The following ZNF469 variants were observed in gnomAD, a reference collection of about 807,000 sequenced individuals.
ZNF469 encodes zinc finger protein 469.
Under a neutral mutation model 1.0 loss-of-function variants are expected in ZNF469, and 1 was observed. The observed-to-expected ratio is 1.00, with a 90% CI of 0.35 to 4.73. The LOEUF (loss-of-function observed/expected upper bound fraction) is 4.73, where lower values mean the gene tolerates loss of function less well. Ranked by LOEUF, ZNF469 falls within the 30% of genes most tolerant of loss-of-function variation. The pLI, the probability that ZNF469 is intolerant of heterozygous loss-of-function variation, is 0.16. For missense variants in ZNF469, 6,100 were observed against 5,356.3 expected (o/e 1.14, Z -4.33); for synonymous variants, 2,703 against 2,363.4 (o/e 1.14, Z -4.17).
chr16:88,309,600 G>T, the ZNF469 span, among the ~76,000 whole-genome samples: 4 of 144,098 alleles, frequency 2.8e-5, no homozygotes, highest in Non-Finnish European at 6.0e-5. Flanking sequence ...ACTGGCGGGG[G>T]TAGTGCCCTC....
At chr16:88,102,837 G>C in the ZNF469 span, among the ~76,000 whole-genome samples, 1 of 152,248 alleles carries the variant, frequency 6.6e-6, no homozygotes, top group African/African-American at 2.4e-5. Context: ...TCCATCCGCC[G>C]GGACCTGGCC....
chr16:88,128,804 T>A, the ZNF469 span, among the ~76,000 whole-genome samples: 1 of 152,204 alleles, frequency 6.6e-6, no homozygotes, highest in African/African-American at 2.4e-5. Flanking sequence ...AGACAGAGCA[T>A]CCCAGGGGCT....
At chr16:88,217,120 C>A in the ZNF469 span, among the ~76,000 whole-genome samples, 5 of 151,622 alleles carry the variant, frequency 3.3e-5, no homozygotes, top group Non-Finnish European at 7.4e-5. Flanking sequence ...TGTGGTCCTG[C>A]CTTTGGTCAT....
intron 1 of ZNF469, among the ~76,000 whole-genome samples, chr16:88,408,328 T>C (rs1255765592): frequency 1.3e-5 from 2 of 152,238 alleles, no homozygotes; most frequent in East Asian, 3.8e-4. Flanking sequence ...ATTTTTGTAT[T>C]TTTAGTAGAG....
At chr16:88,378,867 G>A (rs550850786), upstream of ZNF469, among the ~76,000 whole-genome samples, 1 of 152,174 alleles carries the variant, frequency 6.6e-6, no homozygotes, top group Non-Finnish European at 1.5e-5. Context: ...GCCACATCTC[G>A]GCCACAGGTC....
the ZNF469 span, among the ~76,000 whole-genome samples, chr16:88,246,101 G>A: frequency 2.0e-5 from 3 of 152,274 alleles, no homozygotes; most frequent in Admixed American, 2.0e-4. Context: ...CAAGCCCCTG[G>A]AGGGCCTCAT....
At chr16:88,140,358 CCA>C in the ZNF469 span, among the ~76,000 whole-genome samples, 965 of 151,066 alleles carry the variant, frequency 6.4e-3, 11 homozygotes, top group African/African-American at 0.021. Context: ...GAGGACGGAG[CCA>C]CGTAGAAATC....
chr16:88,415,252 G>T (rs1905273725), intron 1 of ZNF469, among the ~76,000 whole-genome samples: 1 of 152,166 alleles, frequency 6.6e-6, no homozygotes. Flanking sequence ...GCCGGTCACA[G>T]CTGAGCGAGG....
chr16:88,381,298 ACATGCACT>A (rs542628206), upstream of ZNF469, among the ~76,000 whole-genome samples: 1,108 of 149,476 alleles, frequency 7.4e-3, 6 homozygotes, highest in Non-Finnish European at 0.012. Context: ...GCACTCACAC[ACATGCACT>A]CATGCACTCA....
the ZNF469 span, among the ~76,000 whole-genome samples, chr16:88,288,485 C>T: frequency 2.0e-5 from 3 of 152,212 alleles, no homozygotes; most frequent in South Asian, 2.1e-4. Flanking sequence ...ATCAAGGCTA[C>T]ACTCTATGAT....
chr16:88,351,396 GT>G, the ZNF469 span, among the ~76,000 whole-genome samples: 2 of 152,128 alleles, frequency 1.3e-5, no homozygotes, highest in Non-Finnish European at 2.9e-5. Context: ...GGATGAGGAC[GT>G]TAAATTCAGG....
the ZNF469 span, among the ~76,000 whole-genome samples, chr16:88,201,741 G>A: frequency 2.8e-3 from 434 of 152,306 alleles, 2 homozygotes; most frequent in African/African-American, 9.4e-3. This position sits in a 1 kb window ranked among gnomAD's most constrained non-coding sequence, Gnocchi z 5.0. Context: ...GTCCTTACAT[G>A]CCAGTGCCTG....
the ZNF469 span, among the ~76,000 whole-genome samples, chr16:88,273,169 A>G: frequency 2.0e-5 from 3 of 152,134 alleles, no homozygotes; most frequent in Non-Finnish European, 4.4e-5. Context: ...GGATAGATAG[A>G]TAGATGGATG....
the ZNF469 span, among the ~76,000 whole-genome samples, chr16:88,130,969 C>T: frequency 2.0e-5 from 3 of 152,290 alleles, no homozygotes; most frequent in South Asian, 4.2e-4. Context: ...CCCGGGCAGC[C>T]GGGGACGGGG....
the ZNF469 span, among the ~76,000 whole-genome samples, chr16:88,245,745 GGGTT>G: frequency 6.6e-6 from 1 of 152,276 alleles, no homozygotes; most frequent in Non-Finnish European, 1.5e-5. Context: ...ACGGTGGGCA[GGGTT>G]TGTTTACTCT....
chr16:88,372,038 CCATT>C, the ZNF469 span, among the ~76,000 whole-genome samples: 1 of 70,514 alleles, frequency 1.4e-5, no homozygotes, highest in African/African-American at 5.2e-5. Flanking sequence ...ACCATCACTA[CCATT>C]ACCATCACCA....
At chr16:88,392,063 C>T (rs569000131) in intron 1 of ZNF469, among the ~76,000 whole-genome samples, 2 of 152,310 alleles carry the variant, frequency 1.3e-5, no homozygotes, top group Admixed American at 1.3e-4. Context: ...TCAAGCTACC[C>T]AAGTGATTTT....
the ZNF469 span, among the ~76,000 whole-genome samples, chr16:88,233,624 C>G: frequency 6.6e-6 from 1 of 152,238 alleles, no homozygotes; most frequent in South Asian, 2.1e-4. Flanking sequence ...TTAGGGCCGC[C>G]TGGGCATGAA....
chr16:88,105,299 C>A, the ZNF469 span, among the ~76,000 whole-genome samples: 5 of 96,696 alleles, frequency 5.2e-5, no homozygotes, highest in Non-Finnish European at 7.7e-5. Flanking sequence ...TTTTTTCTTT[C>A]TTTCTTTTTT....
Sources: gnomAD v4.1 joint callset for allele counts (sites outside exome capture counted in the v4.1 genomes callset) on GRCh38, gnomAD v4.1.1 for gene constraint, Gnocchi (gnomAD v3.1) non-coding constraint, MANE v1.5 for transcripts, NCBI Gene and HGNC (gene_info 2026-07-23, HGNC 2026-07-21) for gene names.